Variants in IQUB observed in about 807,000 individuals in gnomAD.
The protein encoded by IQUB is IQ motif and ubiquitin domain containing, also known as IQ motif and ubiquitin-like domain-containing protein.
A neutral mutation model predicts 86.4 loss-of-function variants in IQUB; 86 were observed. The ratio of observed to expected loss-of-function variants is 1.00; its 90% CI spans 0.84 to 1.19. The LOEUF is 1.19. IQUB is among the 50% of genes most tolerant of loss of function. IQUB has a pLI of 0.00. For synonymous variants in IQUB, 289 were observed against 304.5 expected, an observed-to-expected ratio of 0.95 and a Z score of 0.53; for missense variants, 946 against 916.9, an observed-to-expected ratio of 1.03 and a Z score of -0.41.
chr7:123,526,508 C>A (rs1401772358), intron 1 of IQUB, among the ~76,000 whole-genome samples: 2 of 151,978 alleles, frequency 1.3e-5, no homozygotes, highest in Non-Finnish European at 2.9e-5. Flanking sequence ...TTATCAGAGA[C>A]TAGGATTGCA....
At chr7:123,506,752 A>T (rs1404137600) in intron 3 of IQUB, among the ~76,000 whole-genome samples, 1 of 152,196 alleles carries the variant, frequency 6.6e-6, no homozygotes, top group African/African-American at 2.4e-5. Flanking sequence ...CATCGCCCCC[A>T]GAACAGAGAA....
At chr7:123,463,341 T>C (rs1794091565) in intron 10 of IQUB, among the ~76,000 whole-genome samples, 1 of 151,746 alleles carries the variant, frequency 6.6e-6, no homozygotes, top group African/African-American at 2.4e-5. Context: ...CTAGTGCTTG[T>C]AATGATTTTA....
chr7:123,479,807 AG>A lies in IQUB; in HGVS notation c.1397del (p.Ala466ValfsTer42). Reference sequence around the variant, plus strand: ...TCACTTCACTAACCTTATCCAAAAAAGCTTGTATTGCTGCTTCCTGATTTGC... The same window carrying A: ...TCACTTCACTAACCTTATCCAAAAAACTTGTATTGCTGCTTCCTGATTTGC... ...YMANQEAAIQ[A>X]FLDKCSAPKI... On this transcript the variant is annotated frameshift_variant, in exon 8 of 13. Transcript: ENST00000324698. LOFTEE classifies it high-confidence loss of function. 1 of 1,611,324 alleles carries A rather than the reference AG, an allele frequency of 6.2e-7. No individual in the cohort carries two copies. Among genetic ancestry groups the A allele is most frequent in the Admixed American group, 1.7e-5 (1 of 59,594 alleles).
Position 123,452,828 on chromosome 7 carries a change from T to A in IQUB, c.2291A>T (p.Asp764Val), listed in dbSNP as rs748850670. ...QVPVLASFILDDGEIDEIRWK... is the reference protein window; with the variant it reads ...QVPVLASFILVDGEIDEIRWK... ...TCTGATCTCATCAATTTCACCATCATCAAGTATAAATGAAGCCAGCACTGG... is the reference window on the plus strand; with the variant it reads ...TCTGATCTCATCAATTTCACCATCAACAAGTATAAATGAAGCCAGCACTGG... Residue 764 changes from aspartate to valine, a missense_variant, in exon 13 of 13, where the codon GAT becomes GTT. Transcript: ENST00000324698. 139 of 1,613,510 alleles carry A rather than the reference T, an allele frequency of 8.6e-5. No homozygotes were observed. Among genetic ancestry groups the A allele is most frequent in the Non-Finnish European group, 1.2e-4 (137 of 1,179,666 alleles).
In IQUB at chr7:123,461,409, T is replaced by C. The variant is rs749024971; in HGVS notation, c.1955A>G (p.Tyr652Cys). Residue 652 changes from tyrosine (Y) to cysteine (C), a missense_variant, in exon 11 of 13, where the codon TAC becomes TGC. By Grantham distance (194) the Tyr-to-Cys change is radical. Transcript: ENST00000324698. ...ATCTTCATAATCAGCTTCTGTATAG[T>C]AGAGCTGTTGAAGTAAACATTTGTA... ...LKYKCLLQQL[Y>C]YTEADYEDDS... is the part of the protein sequence containing the mutation. 4 of 1,611,826 alleles carry C rather than the reference T, an allele frequency of 2.5e-6. No individual in the cohort carries two copies. The highest frequency in any genetic ancestry group is 2.7e-5 in the African/African-American group (2 of 74,784).
chr7:123,461,300 G>T, intron 11 of IQUB, 57 bp downstream of exon 11: 3 of 1,504,544 alleles, frequency 2.0e-6, no homozygotes, highest in Non-Finnish European at 2.7e-6. Flanking sequence ...ACATAAGATT[G>T]CAAGATAGCC....
Position 123,512,137 on chromosome 7 carries a change from A to C in IQUB, c.204T>G (p.Phe68Leu). The C allele has an allele frequency of 1.2e-6, 2 of 1,614,048 alleles. No homozygotes were observed. Among genetic ancestry groups the C allele is most frequent in the Non-Finnish European group, 1.7e-6 (2 of 1,179,964 alleles). Residue 68 changes from phenylalanine to leucine, a missense_variant, in exon 2 of 13, where the codon TTT (phenylalanine) becomes TTG (leucine). Physicochemically the swap from Phe to Leu is conservative, Grantham distance 22. Coordinates refer to ENST00000324698, the MANE Select transcript of IQUB (RefSeq NM_178827.5). ...IHVEEQSDQS[F>L]SSLEPDNEQL... is the part of the protein sequence containing the mutation. Reference sequence around the variant, plus strand: ...GTTCATTGTCTGGTTCCAGGCTTGAAAAGCTTTGGTCACTCTGCTCCTCAA... The same window carrying C: ...GTTCATTGTCTGGTTCCAGGCTTGACAAGCTTTGGTCACTCTGCTCCTCAA...
At position 123,466,397 on chromosome 7, in the gene IQUB, G is replaced by A. The variant is rs145432152; in HGVS notation, c.1582-1388C>T. ...TGTATTCCCTATGCACTCTCTTTTT[G>A]CCAATCTGGTCTTTTTACTGCCCTC... On this transcript the variant is annotated intron_variant, in intron 9 of 12. Transcript: ENST00000324698. Among the ~76,000 whole-genome samples, 5 of 151,930 alleles carry A rather than the reference G, an allele frequency of 3.3e-5. No homozygotes were observed. The East Asian group carries it at 7.7e-4, about 24-fold the overall frequency.
chr7:123,497,406 C>T (rs1489608749), intron 6 of IQUB, among the ~76,000 whole-genome samples: 2 of 152,108 alleles, frequency 1.3e-5, no homozygotes, highest in African/African-American at 4.8e-5. Context: ...TATAACAAAA[C>T]TGTGTTTTCC....
At chr7:123,528,020 C>T (rs917777821) in intron 1 of IQUB, among the ~76,000 whole-genome samples, 7 of 152,210 alleles carry the variant, frequency 4.6e-5, no homozygotes, top group Non-Finnish European at 7.4e-5. Context: ...TCTCCTGGTC[C>T]GCCGTTTTTT....
intron 11 of IQUB, chr7:123,459,824 T>C (rs1199083395): frequency 6.6e-6 from 1 of 151,978 alleles, no homozygotes; most frequent in Admixed American, 6.6e-5. Flanking sequence ...TGAATAAAAG[T>C]AGCAAATAAG....
chr7:123,533,652 T>C (rs187865665), intron 1 of IQUB, among the ~76,000 whole-genome samples: 18 of 152,274 alleles, frequency 1.2e-4, no homozygotes, highest in African/African-American at 3.9e-4. Context: ...TAAATATTGA[T>C]AGAAAACAAC....
At chr7:123,462,098 T>C (rs1031702770) in intron 10 of IQUB, among the ~76,000 whole-genome samples, 16 of 151,798 alleles carry the variant, frequency 1.1e-4, no homozygotes, top group East Asian at 3.9e-4. Flanking sequence ...TCTAAAGCAA[T>C]AGACAGAAAG....
Position 123,469,226 on chromosome 7 carries a change from TTTAAGAG to T in IQUB, c.1562_1568del (p.Thr521AsnfsTer4). The stretch of plus-strand genomic sequence containing the variant: ...AAAGTTAACATACCTTTACAGTGTG[TTTAAGAG>T]TTAACAGCACATCCAGCCTCTCATC... On this transcript the variant is annotated frameshift_variant, in exon 9 of 13. Transcript: ENST00000324698. LOFTEE classifies it high-confidence loss of function. 1 of 1,589,366 alleles carries T rather than the reference TTTAAGAG, an allele frequency of 6.3e-7. No individual in the cohort carries two copies. Among genetic ancestry groups the T allele is most frequent in the East Asian group, 2.3e-5 (1 of 44,190 alleles).
In IQUB at chr7:123,503,188, A is replaced by G. The variant is rs1251468640; in HGVS notation, c.694+14T>C. On this transcript the variant is annotated intron_variant, in intron 4 of 12. Coordinates refer to ENST00000324698, the MANE Select transcript of IQUB (RefSeq NM_178827.5). ...CTCAAAAATACTTTATCTAAAAGAC[A>G]TCAAATAACGAACCAGTTTGGACAG... The G allele has an allele frequency of 1.9e-6, 3 of 1,608,394 alleles. No homozygotes were observed. Among genetic ancestry groups the G allele is most frequent in the Non-Finnish European group, 2.5e-6 (3 of 1,177,916 alleles).
rs1198923307 is a variant in IQUB, at chr7:123,502,779, T to C, written c.868-27A>G. On this transcript the variant is annotated intron_variant, in intron 5 of 12. Transcript: ENST00000324698. ...TAAAAGAAAACATTAAAAATTTAAA[T>C]CAGTATCCCCTATATATATACATAA... The C allele has an allele frequency of 6.5e-6, 10 of 1,537,682 alleles. No homozygotes were observed. The Admixed American group carries it at 1.9e-4, about 29-fold the overall frequency.
chr7:123,514,955 A>G (rs1026237927), intron 1 of IQUB, among the ~76,000 whole-genome samples: 1 of 152,160 alleles, frequency 6.6e-6, no homozygotes, highest in Admixed American at 6.5e-5. Flanking sequence ...GCACAGTTAA[A>G]TCTCACTATA....
At chr7:123,505,655 CG>C (rs772937573) in intron 3 of IQUB, among the ~76,000 whole-genome samples, 4 of 152,130 alleles carry the variant, frequency 2.6e-5, no homozygotes, top group Non-Finnish European at 5.9e-5. Flanking sequence ...GTGTCCCAAA[CG>C]GCCCTGGGCC....
At chr7:123,456,606 T>C (rs954835681) in intron 12 of IQUB, 20 of 152,112 alleles carry the variant, frequency 1.3e-4, no homozygotes, top group African/African-American at 4.3e-4. Context: ...CATTTTGTCA[T>C]TTCTTTACTT....
Sources: gnomAD v4.1 joint callset for allele counts (sites outside exome capture counted in the v4.1 genomes callset) on GRCh38, gnomAD v4.1.1 for gene constraint, MANE v1.5 for transcripts, NCBI Gene and HGNC (gene_info 2026-07-23, HGNC 2026-07-21) for gene names.